Variants in RHOJ observed in about 807,000 individuals in gnomAD.
The protein encoded by RHOJ is ras homolog family member J.
A neutral mutation model predicts 23.4 loss-of-function variants in RHOJ; 11 were observed. That is an observed-to-expected ratio of 0.47 (90% CI 0.30 to 0.78). RHOJ has a LOEUF of 0.78. RHOJ is among the 30% of genes least tolerant of loss of function. The pLI is 0.08. For missense variants in RHOJ, 254 were observed against 273.4 expected, an observed-to-expected ratio of 0.93 and a Z score of 0.50; for synonymous variants, 102 against 102.7, an observed-to-expected ratio of 0.99 and a Z score of 0.04.
intron 2 of RHOJ, among the ~76,000 whole-genome samples, chr14:63,269,957 A>C (rs1895437305): frequency 6.6e-6 from 1 of 152,204 alleles, no homozygotes; most frequent in Admixed American, 6.5e-5. Flanking sequence ...GTGGAGGGGA[A>C]GTGGTTAAGC....
chr14:63,288,724 C>G (rs894051395), intron 4 of RHOJ, among the ~76,000 whole-genome samples: 3 of 152,154 alleles, frequency 2.0e-5, no homozygotes, highest in Non-Finnish European at 4.4e-5. Context: ...CATCCAACAT[C>G]GTTTTCTTTT....
chr14:63,258,886 C>T (rs947314861), intron 1 of RHOJ, among the ~76,000 whole-genome samples: 1 of 152,190 alleles, frequency 6.6e-6, no homozygotes. Context: ...GTATGTGAAG[C>T]CACCATGAGA....
In RHOJ at chr14:63,232,757, C is replaced by T. The variant is rs150356295; in HGVS notation, c.178+27710C>T. Among the ~76,000 whole-genome samples the T allele has an allele frequency of 6.5e-5, 9 of 138,526 alleles. No individual in the cohort carries two copies. The East Asian group carries it at 1.7e-3, about 27-fold the overall frequency. The allele number at this position is 138,526 out of a possible 152,430, so 90.9% of individuals were successfully genotyped here. A position where few individuals can be genotyped will look rare whatever the true frequency, so the allele number is the denominator to read the frequency against. On this transcript the variant is annotated intron_variant, in intron 1 of 4. Coordinates refer to ENST00000316754, the MANE Select transcript of RHOJ (RefSeq NM_020663.5). ...TGTCACCCAGGCTGCGATGCAGTGGCGCGATCTCAGCTCACTGCAACCTCC... is the reference window on the plus strand; with the variant it reads ...TGTCACCCAGGCTGCGATGCAGTGGTGCGATCTCAGCTCACTGCAACCTCC...
Position 63,223,814 on chromosome 14 carries a change from C to T in RHOJ, c.178+18767C>T, listed in dbSNP as rs373946073. 3.3e-5 allele frequency among the ~76,000 whole-genome samples: 5 copies of T among 151,304 alleles called. No individual in the cohort carries two copies. The South Asian group carries it at 6.3e-4, about 19-fold the overall frequency. On this transcript the variant is annotated intron_variant, in intron 1 of 4. Coordinates refer to ENST00000316754, the MANE Select transcript of RHOJ (RefSeq NM_020663.5). ...CCTCATCGTTAAAAGATGACGTCAA[C>T]ATGTTTTAATTTTTTTCCATGAAAG...
intron 4 of RHOJ, 172 bp downstream of exon 4, chr14:63,283,388 T>G (rs1881975614): frequency 3.3e-6 from 2 of 601,448 alleles, no homozygotes; most frequent in Non-Finnish European, 5.9e-6. Flanking sequence ...AGGAGCCATT[T>G]GGTTAGCCTT....
intron 2 of RHOJ, among the ~76,000 whole-genome samples, chr14:63,270,974 T>G (rs1460034645): frequency 6.6e-6 from 1 of 152,206 alleles, no homozygotes; most frequent in Non-Finnish European, 1.5e-5. Context: ...AAAGCTCTTG[T>G]GGAGTTTAAT....
intron 1 of RHOJ, among the ~76,000 whole-genome samples, chr14:63,239,070 G>A (rs371250400): frequency 1.3e-5 from 2 of 152,028 alleles, no homozygotes; most frequent in East Asian, 1.9e-4. Context: ...GGACCTATTC[G>A]AGTGAATACC....
At chr14:63,270,479 A>G (rs1895448626) in intron 2 of RHOJ, among the ~76,000 whole-genome samples, 1 of 152,170 alleles carries the variant, frequency 6.6e-6, no homozygotes, top group Non-Finnish European at 1.5e-5. Context: ...CAATAGCAAG[A>G]CATACGACTA....
rs375775793 is a variant in RHOJ at position 63,207,093 on chromosome 14, A to G, written c.178+2046A>G. Reference sequence around the variant, plus strand: ...GTCGCCCAGGCTGGAGTGCAGTGGCATGATCTCGGCTCACTGCAACTTCCA... The same window carrying G: ...GTCGCCCAGGCTGGAGTGCAGTGGCGTGATCTCGGCTCACTGCAACTTCCA... On this transcript the variant is annotated intron_variant, in intron 1 of 4. Coordinates refer to ENST00000316754, the MANE Select transcript of RHOJ (RefSeq NM_020663.5). Among the ~76,000 whole-genome samples, 24 of 149,950 alleles carry G rather than the reference A, an allele frequency of 1.6e-4. No individual in the cohort carries two copies. In the East Asian group the frequency reaches 3.0e-3, roughly 18 times the overall value.
intron 1 of RHOJ, among the ~76,000 whole-genome samples, chr14:63,243,068 T>C (rs1024699783): frequency 4.6e-5 from 7 of 152,200 alleles, no homozygotes; most frequent in Admixed American, 3.3e-4. Flanking sequence ...TTGCACCTTC[T>C]CATAACTTTT....
intron 1 of RHOJ, among the ~76,000 whole-genome samples, chr14:63,248,984 A>T (rs1304547281): frequency 6.6e-6 from 1 of 152,208 alleles, no homozygotes; most frequent in East Asian, 1.9e-4. Flanking sequence ...TGTTGGTCCC[A>T]ATTGGTCTGA....
intron 2 of RHOJ, among the ~76,000 whole-genome samples, chr14:63,274,075 A>G (rs549898599): frequency 4.7e-4 from 72 of 152,254 alleles, no homozygotes; most frequent in African/African-American, 1.1e-3. Context: ...CTTTCCCCCA[A>G]TGGCTAAGGA....
intron 1 of RHOJ, among the ~76,000 whole-genome samples, chr14:63,218,807 T>C (rs956075485): frequency 6.6e-6 from 1 of 152,214 alleles, no homozygotes; most frequent in African/African-American, 2.4e-5. Context: ...ACAAGTTATC[T>C]TGGAGCCTAC....
chr14:63,208,924 C>G (rs1449496953), intron 1 of RHOJ, among the ~76,000 whole-genome samples: 1 of 152,176 alleles, frequency 6.6e-6, no homozygotes, highest in Non-Finnish European at 1.5e-5. Flanking sequence ...CCAAGCTACT[C>G]TTCCCCTAGG....
intron 1 of RHOJ, among the ~76,000 whole-genome samples, chr14:63,261,020 G>A (rs1359185842): frequency 6.6e-6 from 1 of 152,082 alleles, no homozygotes; most frequent in Non-Finnish European, 1.5e-5. Context: ...ATTGCCAAAT[G>A]GCTTTCCAAA....
chr14:63,211,314 T>C (rs1321584887), intron 1 of RHOJ, among the ~76,000 whole-genome samples: 1 of 152,216 alleles, frequency 6.6e-6, no homozygotes, highest in Non-Finnish European at 1.5e-5. Context: ...TTGCTCTTTC[T>C]GAAGACACCC....
At chr14:63,269,231 G>A in intron 2 of RHOJ, 63 bp downstream of exon 2, 1 of 1,235,186 alleles carries the variant, frequency 8.1e-7, no homozygotes, top group Non-Finnish European at 1.2e-6. Context: ...AGATCCATTT[G>A]CTTATGCAGA....
chr14:63,263,984 C>CT (rs34629316), intron 1 of RHOJ, among the ~76,000 whole-genome samples: 51,543 of 146,226 alleles, frequency 0.35, 12,760 homozygotes, highest in African/African-American at 0.71. Flanking sequence ...AAAGCCTTTT[C>CT]TTTTTTTTTT....
At chr14:63,224,852 G>T (rs1894560070) in intron 1 of RHOJ, among the ~76,000 whole-genome samples, 3 of 151,826 alleles carry the variant, frequency 2.0e-5, no homozygotes, top group Admixed American at 2.0e-4. Flanking sequence ...CCAGCCCCTC[G>T]ACCCCATCTC....
Sources: gnomAD v4.1 joint callset for allele counts (sites outside exome capture counted in the v4.1 genomes callset) on GRCh38, gnomAD v4.1.1 for gene constraint, MANE v1.5 for transcripts, NCBI Gene and HGNC (gene_info 2026-07-23, HGNC 2026-07-21) for gene names.